Variants in COL4A3 observed in about 807,000 individuals in gnomAD.
COL4A3 encodes collagen type IV alpha 3 chain.
A neutral mutation model predicts 217.4 loss-of-function variants in COL4A3; 135 were observed. That is an observed-to-expected ratio of 0.62 (90% confidence interval 0.54 to 0.72). COL4A3 has a LOEUF of 0.72. Ranked by LOEUF, COL4A3 falls within the 30% of genes least tolerant of loss-of-function variation. The pLI is 0.00. For missense variants in COL4A3, 1,868 were observed against 2,119.9 expected (o/e 0.88, Z 2.33); for synonymous variants, 690 against 736.3 (o/e 0.94, Z 1.02).
At chr2:227,251,723 A>G (rs761206712) in intron 11 of COL4A3, among the ~76,000 whole-genome samples, 1 of 152,174 alleles carries the variant, frequency 6.6e-6, no homozygotes, top group Non-Finnish European at 1.5e-5. Flanking sequence ...TTATGCTAGT[A>G]AGTAAAAGAT....
intron 1 of COL4A3, among the ~76,000 whole-genome samples, chr2:227,194,308 C>T (rs573656641): frequency 2.0e-5 from 3 of 152,236 alleles, no homozygotes; most frequent in African/African-American, 7.2e-5. Context: ...TTATTTCCAC[C>T]ACTGCTCCCT....
At position 227,297,798 on chromosome 2, in the gene COL4A3, C is replaced by T. The variant is rs375442737; in HGVS notation, c.3690C>T (p.Pro1230=). 3.8e-5 allele frequency: 60 copies of T among 1,574,202 alleles called. 1 individual carries two copies. Among genetic ancestry groups the T allele is most frequent in the East Asian group, 2.5e-4 (11 of 43,326 alleles). Reference sequence around the variant, plus strand: ...GATTCCCAGGGCCACCAGGTCTGCCCGGTGCAATTATCCCTGGCCAGACAG... The same window carrying T: ...GATTCCCAGGGCCACCAGGTCTGCCTGGTGCAATTATCCCTGGCCAGACAG... The part of the protein sequence containing the change: ...IEGFPGPPGL[P]GAIIPGQTGN... The change falls in exon 42 of 52, where the codon CCC becomes CCT. Residue 1230 remains proline (P), a synonymous_variant. Coordinates refer to ENST00000396578, the MANE Select transcript of COL4A3 (RefSeq NM_000091.5).
At chr2:227,284,126 T>C (rs2072168953) in intron 33 of COL4A3, 85 bp from the exon 34 acceptor site, 1 of 1,564,808 alleles carries the variant, frequency 6.4e-7, no homozygotes, top group Non-Finnish European at 8.8e-7. Context: ...ATTTGTTCTG[T>C]TTTATAGTAA....
Position 227,191,122 on chromosome 2 carries a change from G to A in COL4A3, c.87+26309G>A, listed in dbSNP as rs555496817. On this transcript the variant is annotated intron_variant, in intron 1 of 51. Transcript: ENST00000396578. This position sits in a 1 kb window ranked among gnomAD's most constrained non-coding sequence, Gnocchi z 6.8. The stretch of plus-strand genomic sequence containing the variant: ...ACATAAATAATACGTATATGGCCAT[G>A]GAAACAATTTTTGACATTTAAATTT... 2.6e-5 allele frequency among the ~76,000 whole-genome samples: 4 copies of A among 151,974 alleles called. No homozygotes were observed. Among genetic ancestry groups the A allele is most frequent in the African/African-American group, 4.8e-5 (2 of 41,360 alleles).
Position 227,283,863 on chromosome 2 carries a change from GATAGAGTGTCTTTCTAA to G in COL4A3, c.2746+12_2746+28del, listed in dbSNP as rs753782348. ...GGCACACCAGGGCAGAGGGGTAAGTGATAGAGTGTCTTTCTAAATAGCAGGAAGCATAAACAATGTTC... is the reference window on the plus strand; with the variant it reads ...GGCACACCAGGGCAGAGGGGTAAGTGATAGCAGGAAGCATAAACAATGTTC... On this transcript the variant is annotated splice_region_variant and intron_variant, in intron 33 of 51. Transcript: ENST00000396578. The G allele has an allele frequency of 3.6e-5, 58 of 1,605,722 alleles. No individual in the cohort carries two copies. Among genetic ancestry groups the G allele is most frequent in the Admixed American group, 6.7e-5 (4 of 60,000 alleles).
Position 227,270,897 on chromosome 2 carries a change from A to AAGCCC in COL4A3, c.1703_1704insAGCCC (p.Asp568GlufsTer11). 1 of 1,614,214 alleles carries AAGCCC rather than the reference A, an allele frequency of 6.2e-7. No homozygotes were observed. Among genetic ancestry groups the AAGCCC allele is most frequent in the Non-Finnish European group, 8.5e-7 (1 of 1,180,040 alleles). On this transcript the variant is annotated frameshift_variant, in exon 25 of 52. Coordinates refer to ENST00000396578, the MANE Select transcript of COL4A3 (RefSeq NM_000091.5). LOFTEE classifies it high-confidence loss of function. ...GGCCAACCTGGGAGAAAGGGCTTGG[A>AAGCCC]TGGAATTCCTGGAACTCCGGGAGTG...
Position 227,264,048 on chromosome 2 carries a change from T to C in COL4A3, c.1315+104T>C, listed in dbSNP as rs575002922. 19 of 1,330,842 alleles carry C rather than the reference T, an allele frequency of 1.4e-5. No homozygotes were observed. The African/African-American group carries it at 2.2e-4, about 15-fold the overall frequency. The allele number at this position is 1,330,842 out of a possible 1,614,324, so 82.4% of individuals were successfully genotyped here. A position where few individuals can be genotyped will look rare whatever the true frequency, so the allele number is the denominator to read the frequency against. On this transcript the variant is annotated intron_variant, in intron 21 of 51. Coordinates refer to ENST00000396578, the MANE Select transcript of COL4A3 (RefSeq NM_000091.5). Reference sequence around the variant, plus strand: ...CTCACAGCTTAGCCATCAGTCTGTGTGGTTTTTATGAGTTACCTTTCCAAT... The same window carrying C: ...CTCACAGCTTAGCCATCAGTCTGTGCGGTTTTTATGAGTTACCTTTCCAAT...
In COL4A3 at chr2:227,280,434, C is replaced by T. The variant is rs1239418315; in HGVS notation, c.2224-6C>T. 1 of 1,613,866 alleles carries T rather than the reference C, an allele frequency of 6.2e-7. No homozygotes were observed. Among genetic ancestry groups the T allele is most frequent in the African/African-American group, 1.3e-5 (1 of 74,900 alleles). On this transcript the variant is annotated splice_region_variant and splice_polypyrimidine_tract_variant and intron_variant, in intron 29 of 51. Coordinates refer to ENST00000396578, the MANE Select transcript of COL4A3 (RefSeq NM_000091.5). The stretch of plus-strand genomic sequence containing the variant: ...ATATAGTAATAACACAATTTCTATG[C>T]TGTAGGGAGAACCAGCAGTAGCCAT...
intron 50 of COL4A3, 30 bp from the exon 51 acceptor site, chr2:227,310,746 T>A: frequency 1.9e-6 from 3 of 1,601,672 alleles, no homozygotes; most frequent in South Asian, 2.2e-5. Flanking sequence ...ATGGACAGAG[T>A]GTTTATTCAG....
At chr2:227,297,024 A>G (rs2073056584) in intron 41 of COL4A3, among the ~76,000 whole-genome samples, 1 of 152,226 alleles carries the variant, frequency 6.6e-6, no homozygotes, top group Non-Finnish European at 1.5e-5. Flanking sequence ...TCTAAGATGA[A>G]AAATATTAGT....
chr2:227,200,224 A>T (rs538616413), intron 1 of COL4A3, among the ~76,000 whole-genome samples: 1 of 152,330 alleles, frequency 6.6e-6, no homozygotes, highest in East Asian at 1.9e-4. Flanking sequence ...GTATGTGTAG[A>T]TACAATTCGA....
chr2:227,256,385 G>A lies in COL4A3; in HGVS notation c.976G>A (p.Asp326Asn), dbSNP rs55703767. The A allele has an allele frequency of 6.2e-7, 1 of 1,612,840 alleles. No homozygotes were observed. The highest frequency in any genetic ancestry group is 2.2e-5 in the East Asian group (1 of 44,860). Residue 326 changes from aspartate (D) to asparagine (N), a missense_variant, in exon 17 of 52, where the codon GAT (aspartate) becomes AAT (asparagine). Transcript: ENST00000396578. ...GGGTTTCCCTGGGTTAATGGGTGAAGATGGCATTAAGGTAATCCTCTCCCT... is the reference window on the plus strand; with the variant it reads ...GGGTTTCCCTGGGTTAATGGGTGAAAATGGCATTAAGGTAATCCTCTCCCT... The part of the protein sequence containing the change: ...NRGFPGLMGE[D>N]GIKGQKGDIG...
intron 1 of COL4A3, among the ~76,000 whole-genome samples, chr2:227,190,590 C>CAA (rs1486762870): frequency 6.6e-6 from 1 of 152,100 alleles, no homozygotes; most frequent in African/African-American, 2.4e-5. Context: ...CTAATTAAAA[C>CAA]AAAGTGTATT....
In COL4A3 at chr2:227,290,761, A is replaced by AG; in HGVS notation, c.3089dup (p.Thr1031AsnfsTer23). 6.2e-7 allele frequency: 1 copy of AG among 1,613,184 alleles called. No homozygotes were observed. The highest frequency in any genetic ancestry group is 8.5e-7 in the Non-Finnish European group (1 of 1,179,796). The stretch of plus-strand genomic sequence containing the variant: ...CCTAATTTCAGGTTCTAAAGGAAAA[A>AG]GGGGAACTTTGGGATTCCCAGGTCG... On this transcript the variant is annotated frameshift_variant, in exon 37 of 52. Transcript: ENST00000396578. LOFTEE classifies it high-confidence loss of function.
intron 43 of COL4A3, among the ~76,000 whole-genome samples, chr2:227,300,529 C>T (rs976114243): frequency 5.3e-5 from 8 of 152,188 alleles, no homozygotes; most frequent in Admixed American, 4.6e-4. Context: ...CTCTTAGCAG[C>T]GTATTAGACA....
In COL4A3 at chr2:227,272,936, C is replaced by T; in HGVS notation, c.1759-13C>T. 1 of 1,613,824 alleles carries T rather than the reference C, an allele frequency of 6.2e-7. No individual in the cohort carries two copies. Among genetic ancestry groups the T allele is most frequent in the African/African-American group, 1.3e-5 (1 of 75,032 alleles). On this transcript the variant is annotated splice_polypyrimidine_tract_variant and intron_variant, in intron 25 of 51. Coordinates refer to ENST00000396578, the MANE Select transcript of COL4A3 (RefSeq NM_000091.5). ...GAATGAAGCACGATTCAAACACATT[C>T]CTGTTGTCACAGGCTCTGAGTGGTG...
At position 227,244,388 on chromosome 2, in the gene COL4A3, C is replaced by G. The variant is rs372664765; in HGVS notation, c.279+24C>G. On this transcript the variant is annotated intron_variant, in intron 4 of 51. Coordinates refer to ENST00000396578, the MANE Select transcript of COL4A3 (RefSeq NM_000091.5). ...GGGTTAGTAGTCCAACCAGTCCACC[C>G]TGATCGTTAAAAGATCAGCTTTTCA... 11 of 1,610,042 alleles carry G rather than the reference C, an allele frequency of 6.8e-6. No individual in the cohort carries two copies. In the African/African-American group the frequency reaches 1.2e-4, roughly 18 times the overall value.
At chr2:227,239,689 CAG>C (rs149165538) in intron 2 of COL4A3, among the ~76,000 whole-genome samples, 240 of 152,352 alleles carry the variant, frequency 1.6e-3, no homozygotes, top group African/African-American at 5.6e-3. Context: ...AGAAAGGGCT[CAG>C]ACTCATAACC....
chr2:227,175,482 T>TA (rs1027754020), intron 1 of COL4A3, among the ~76,000 whole-genome samples: 5 of 151,248 alleles, frequency 3.3e-5, no homozygotes, highest in Non-Finnish European at 7.4e-5. Flanking sequence ...AAAAATGAAA[T>TA]AAAAAAAACC....
Sources: gnomAD v4.1 joint callset for allele counts (sites outside exome capture counted in the v4.1 genomes callset) on GRCh38, gnomAD v4.1.1 for gene constraint, Gnocchi (gnomAD v3.1) non-coding constraint, MANE v1.5 for transcripts, NCBI Gene and HGNC (gene_info 2026-07-23, HGNC 2026-07-21) for gene names.